Variants in STK3 observed in about 807,000 individuals in gnomAD.
STK3 encodes the protein serine/threonine-protein kinase 3.
STK3 carries 41 observed loss-of-function variants against 58.0 expected under a neutral mutation model. That is an observed-to-expected ratio of 0.71 (90% CI 0.55 to 0.92). The LOEUF (loss-of-function observed/expected upper bound fraction) is 0.92. Among genes scored for constraint, STK3 ranks in the 40% least tolerant of loss-of-function variants. STK3 has a pLI of 0.00. For synonymous variants in STK3, 170 were observed against 191.0 expected (o/e 0.89, Z 0.91); for missense variants, 479 against 602.7 (o/e 0.79, Z 2.15).
intron 1 of STK3, among the ~76,000 whole-genome samples, chr8:98,915,846 T>C (rs1189789181): frequency 1.3e-5 from 2 of 152,092 alleles, no homozygotes; most frequent in East Asian, 3.9e-4. Context: ...GCCAACATGG[T>C]TAGCTCATAT....
intron 8 of STK3, among the ~76,000 whole-genome samples, chr8:98,557,097 G>C (rs568932310): frequency 2.9e-4 from 44 of 152,126 alleles, no homozygotes; most frequent in Admixed American, 2.9e-3. Context: ...AATCAACAAG[G>C]CATGTCCAAT....
chr8:98,505,098 CT>C (rs570899623), intron 10 of STK3, among the ~76,000 whole-genome samples: 303 of 152,242 alleles, frequency 2.0e-3, no homozygotes, highest in Middle Eastern at 6.8e-3. Flanking sequence ...TATTTTTACT[CT>C]TTTTTCTCTA....
intron 1 of STK3, chr8:98,905,611 AG>A (rs2131965898): frequency 4.2e-6 from 4 of 954,086 alleles, no homozygotes; most frequent in Non-Finnish European, 5.1e-6. Context: ...GCTTGAAAAG[AG>A]AGCGGATCTC....
At chr8:98,479,496 G>T (rs191549967) in intron 10 of STK3, among the ~76,000 whole-genome samples, 2 of 96,234 alleles carry the variant, frequency 2.1e-5, no homozygotes, top group Admixed American at 9.7e-5. Context: ...CGGGGGGGGG[G>T]GGGGGGCGGG....
At chr8:98,546,834 T>C (rs1810737210) in intron 9 of STK3, among the ~76,000 whole-genome samples, 1 of 152,110 alleles carries the variant, frequency 6.6e-6, no homozygotes, top group South Asian at 2.1e-4. Context: ...TATGGCAATA[T>C]AGCAATCTAT....
chr8:98,913,736 C>T (rs1257838537), intron 1 of STK3, among the ~76,000 whole-genome samples: 2 of 152,248 alleles, frequency 1.3e-5, no homozygotes, highest in Non-Finnish European at 2.9e-5. Flanking sequence ...TAATCTTCCA[C>T]ACCAGGCACA....
At chr8:98,732,816 G>A (rs1483067667) in intron 4 of STK3, among the ~76,000 whole-genome samples, 1 of 151,922 alleles carries the variant, frequency 6.6e-6, no homozygotes, top group Non-Finnish European at 1.5e-5. Flanking sequence ...TAAATACACT[G>A]AGTAAGAAGC....
At chr8:98,756,472 G>A (rs1053940809) in intron 3 of STK3, among the ~76,000 whole-genome samples, 3 of 152,066 alleles carry the variant, frequency 2.0e-5, no homozygotes, top group Non-Finnish European at 4.4e-5. Context: ...CAAAACCAAG[G>A]TAAAGAGACT....
At chr8:98,760,694 G>A (rs186163199) in intron 3 of STK3, among the ~76,000 whole-genome samples, 1 of 149,224 alleles carries the variant, frequency 6.7e-6, no homozygotes, top group Non-Finnish European at 1.5e-5. Context: ...ATAAAATGAC[G>A]TATCTTGTTC....
At chr8:98,864,513 TAACTA>T (rs1564069821) in intron 3 of STK3, among the ~76,000 whole-genome samples, 1 of 152,234 alleles carries the variant, frequency 6.6e-6, no homozygotes, top group Non-Finnish European at 1.5e-5. Flanking sequence ...TGTTTTCATA[TAACTA>T]AACTAGATTC....
intron 8 of STK3, among the ~76,000 whole-genome samples, chr8:98,568,161 A>C (rs1812660781): frequency 6.6e-6 from 1 of 152,194 alleles, no homozygotes; most frequent in African/African-American, 2.4e-5. Flanking sequence ...ACAGTCCAAG[A>C]AATTACAAAT....
At chr8:98,645,721 C>G (rs565929921) in intron 6 of STK3, among the ~76,000 whole-genome samples, 166 of 152,102 alleles carry the variant, frequency 1.1e-3, no homozygotes, top group African/African-American at 3.8e-3. Flanking sequence ...TGAGTAAATA[C>G]AACTTGAAGA....
chr8:98,520,683 G>T (rs1396812274), intron 10 of STK3, among the ~76,000 whole-genome samples: 1 of 151,842 alleles, frequency 6.6e-6, no homozygotes, highest in Non-Finnish European at 1.5e-5. Context: ...ATAAAATACA[G>T]TTCTCTTCTA....
intron 1 of STK3, among the ~76,000 whole-genome samples, chr8:98,887,873 T>C (rs1255677305): frequency 6.6e-6 from 1 of 152,194 alleles, no homozygotes; most frequent in Admixed American, 6.5e-5. Flanking sequence ...GGAGAACACA[T>C]GGCTCGAGGC....
chr8:98,769,541 G>A (rs564443516), intron 2 of STK3, among the ~76,000 whole-genome samples: 19 of 152,272 alleles, frequency 1.2e-4, no homozygotes, highest in South Asian at 4.1e-4. Flanking sequence ...TCTTTCTTTC[G>A]TAAATTGCCC....
At chr8:98,840,794 G>C (rs900909032) in intron 3 of STK3, among the ~76,000 whole-genome samples, 2 of 151,908 alleles carry the variant, frequency 1.3e-5, no homozygotes, top group African/African-American at 4.8e-5. Flanking sequence ...CAACTTATCA[G>C]GACCCTTCAG....
At chr8:98,667,743 T>G (rs1268352409) in intron 6 of STK3, among the ~76,000 whole-genome samples, 1 of 152,180 alleles carries the variant, frequency 6.6e-6, no homozygotes, top group East Asian at 1.9e-4. Flanking sequence ...AATGTTAAAT[T>G]CACAACATAT....
At chr8:98,780,822 C>T (rs891058774) in intron 1 of STK3, among the ~76,000 whole-genome samples, 1 of 151,944 alleles carries the variant, frequency 6.6e-6, no homozygotes, top group South Asian at 2.1e-4. Flanking sequence ...TCAGAAGAGA[C>T]AAAATCATCA....
chr8:98,706,571 G>A lies in STK3; in HGVS notation c.580C>T (p.Gln194Ter). Reference sequence around the variant, plus strand: ...GCCACACAGTTATAGCCTATTTCTTGAATCACCTCAGGAGCCATCCAAAAT... The same window carrying A: ...GCCACACAGTTATAGCCTATTTCTTAAATCACCTCAGGAGCCATCCAAAAT... The part of the protein sequence containing the change: ...TPFWMAPEVI[Q>*]EIGYNCVADI... The change falls in exon 6 of 11, where the codon CAA becomes TAA. Residue 194 changes from glutamine (Q) to a stop codon, truncating the protein, a stop_gained. Coordinates refer to ENST00000419617, the MANE Select transcript of STK3 (RefSeq NM_006281.4). LOFTEE classifies it high-confidence loss of function. 6.2e-7 allele frequency: 1 copy of A among 1,613,612 alleles called. No individual in the cohort carries two copies.
Sources: gnomAD v4.1 joint callset for allele counts (sites outside exome capture counted in the v4.1 genomes callset) on GRCh38, gnomAD v4.1.1 for gene constraint, MANE v1.5 for transcripts, NCBI Gene and HGNC (gene_info 2026-07-23, HGNC 2026-07-21) for gene names.